The following APBA2 variants were observed in gnomAD, a reference collection of about 807,000 sequenced individuals.
APBA2 encodes amyloid-beta A4 precursor protein-binding family A member 2.
In APBA2, 30 loss-of-function variants were observed where a neutral mutation model predicts 75.0. The ratio of observed to expected loss-of-function variants is 0.40; its 90% confidence interval spans 0.30 to 0.54. The LOEUF (loss-of-function observed/expected upper bound fraction) is 0.54, where lower values mean the gene tolerates loss of function less well. Among genes scored for constraint, APBA2 ranks in the 20% least tolerant of loss-of-function variants. The pLI, the probability that APBA2 is intolerant of heterozygous loss-of-function variation, is 0.49. For synonymous variants in APBA2, 444 were observed against 409.6 expected, an observed-to-expected ratio of 1.08 and a Z score of -1.01; for missense variants, 801 against 1,016.1, an observed-to-expected ratio of 0.79 and a Z score of 2.88.
At chr15:28,938,536 T>G (rs932658166) in intron 2 of APBA2, among the ~76,000 whole-genome samples, 3 of 152,092 alleles carry the variant, frequency 2.0e-5, no homozygotes, top group African/African-American at 2.4e-5. Context: ...CGTGACAGAG[T>G]TTTGCTCTGT....
chr15:29,111,637 C>A (rs1256812992), intron 13 of APBA2, among the ~76,000 whole-genome samples: 3 of 152,138 alleles, frequency 2.0e-5, no homozygotes, highest in African/African-American at 7.2e-5. Context: ...ACCCTCTGCA[C>A]CTGCTCCATG....
intron 3 of APBA2, among the ~76,000 whole-genome samples, chr15:29,011,972 C>T (rs1271583022): frequency 6.6e-6 from 1 of 152,064 alleles, no homozygotes; most frequent in Non-Finnish European, 1.5e-5. Flanking sequence ...TATAAACTTT[C>T]TTTTTTAACT....
At chr15:29,110,530 C>T (rs116092639) in intron 13 of APBA2, among the ~76,000 whole-genome samples, 98 of 152,312 alleles carry the variant, frequency 6.4e-4, no homozygotes, top group African/African-American at 2.4e-3. Flanking sequence ...CTGGGGGCTA[C>T]CTACTCGTAG....
rs146460981 is a variant in APBA2 at position 29,071,591 on chromosome 15, T to G, written c.952-3330T>G. Among the ~76,000 whole-genome samples the G allele has an allele frequency of 7.8e-3, 1,144 of 146,248 alleles. 23 individuals carry two copies. Among genetic ancestry groups the G allele is most frequent in the African/African-American group, 0.028 (1,083 of 39,070 alleles). On this transcript the variant is annotated intron_variant, in intron 4 of 14. Transcript: ENST00000683413. Reference sequence around the variant, plus strand: ...AGGGCATAACAGGATTTAAATAGTATCTTTATCTAGGATGCCTGGAGCCCC... The same window carrying G: ...AGGGCATAACAGGATTTAAATAGTAGCTTTATCTAGGATGCCTGGAGCCCC...
chr15:29,031,799 G>A (rs1322249800), intron 3 of APBA2, among the ~76,000 whole-genome samples: 5 of 152,196 alleles, frequency 3.3e-5, no homozygotes, highest in Admixed American at 2.6e-4. Context: ...TAGCTACAGA[G>A]CGCTGATGCA....
rs151054807 is a variant in APBA2, at chr15:29,087,208, G to A, written c.1070-5867G>A. On this transcript the variant is annotated intron_variant, in intron 6 of 14. Transcript: ENST00000683413. ...CCAGGTTTTTGCTATTACAAATAGT[G>A]CTGCTGCAGTGAACCGCCTATGCAT... 2.0e-3 allele frequency among the ~76,000 whole-genome samples: 299 copies of A among 152,246 alleles called. 1 individual carries two copies. Among genetic ancestry groups the A allele is most frequent in the African/African-American group, 6.2e-3 (258 of 41,538 alleles).
chr15:28,911,488 C>T (rs564673874), intron 1 of APBA2, among the ~76,000 whole-genome samples: 5 of 152,312 alleles, frequency 3.3e-5, no homozygotes, highest in Admixed American at 3.3e-4. Context: ...TCAGACCCAC[C>T]GCTGCTCTTC....
intron 3 of APBA2, among the ~76,000 whole-genome samples, chr15:29,023,217 C>G (rs1208249935): frequency 6.6e-6 from 1 of 152,140 alleles, no homozygotes; most frequent in Non-Finnish European, 1.5e-5. Flanking sequence ...GGTAGGGTAA[C>G]CAGCCCCAGA....
intron 7 of APBA2, 89 bp downstream of exon 7, chr15:29,093,309 C>G: frequency 6.5e-7 from 1 of 1,533,130 alleles, no homozygotes; most frequent in Non-Finnish European, 8.8e-7. Flanking sequence ...AGGCCCTCTT[C>G]CAGCTCGGAC....
intron 3 of APBA2, among the ~76,000 whole-genome samples, chr15:28,997,191 C>T (rs535565917): frequency 2.0e-5 from 3 of 152,292 alleles, no homozygotes; most frequent in East Asian, 1.9e-4. Context: ...ATGAATTACA[C>T]GGTGGCTCTC....
chr15:29,023,905 ATTT>A (rs200312116), intron 3 of APBA2, among the ~76,000 whole-genome samples: 101 of 133,990 alleles, frequency 7.5e-4, no homozygotes, highest in African/African-American at 1.7e-3. Context: ...CTTTTTGTCG[ATTT>A]TTTTTTTTTT....
intron 8 of APBA2, among the ~76,000 whole-genome samples, chr15:29,095,226 G>A (rs1288888679): frequency 2.0e-5 from 3 of 152,258 alleles, no homozygotes; most frequent in Admixed American, 2.0e-4. Context: ...TCGGGAGTTC[G>A]AGATTAGCCT....
chr15:29,024,904 C>A (rs1233546995), intron 3 of APBA2, among the ~76,000 whole-genome samples: 1 of 152,096 alleles, frequency 6.6e-6, no homozygotes, highest in Non-Finnish European at 1.5e-5. Flanking sequence ...TGAGGTATAG[C>A]CTTGGGGCTT....
chr15:28,959,235 C>T (rs932202628), intron 2 of APBA2, among the ~76,000 whole-genome samples: 1 of 152,198 alleles, frequency 6.6e-6, no homozygotes, highest in Non-Finnish European at 1.5e-5. Context: ...GATCCACCTG[C>T]CTCGGCCTCC....
intron 2 of APBA2, among the ~76,000 whole-genome samples, chr15:28,993,051 G>C (rs1265022940): frequency 6.6e-6 from 1 of 152,198 alleles, no homozygotes; most frequent in East Asian, 1.9e-4. Flanking sequence ...GGAGTGATGT[G>C]CTTGGCAGAT....
intron 2 of APBA2, among the ~76,000 whole-genome samples, chr15:28,989,325 T>C (rs1185266143): frequency 6.6e-6 from 1 of 152,232 alleles, no homozygotes; most frequent in African/African-American, 2.4e-5. Flanking sequence ...TATGCCTCAG[T>C]GTCCTCATCT....
intron 1 of APBA2, among the ~76,000 whole-genome samples, chr15:28,895,264 C>T (rs2032402830): frequency 6.6e-6 from 1 of 152,218 alleles, no homozygotes; most frequent in Admixed American, 6.5e-5. Context: ...CTCCCTGCTG[C>T]TGGCCTCCGG....
chr15:29,105,952 G>C (rs890889761), intron 11 of APBA2, among the ~76,000 whole-genome samples: 1 of 152,234 alleles, frequency 6.6e-6, no homozygotes, highest in Non-Finnish European at 1.5e-5. Flanking sequence ...CTTCCCCCAG[G>C]GGACTTTGGA....
intron 3 of APBA2, among the ~76,000 whole-genome samples, chr15:29,006,156 A>T (rs762046292): frequency 6.6e-6 from 1 of 152,238 alleles, no homozygotes; most frequent in Non-Finnish European, 1.5e-5. Flanking sequence ...CTCTCTTTTC[A>T]CATGTCATGG....
Sources: gnomAD v4.1 joint callset for allele counts (sites outside exome capture counted in the v4.1 genomes callset) on GRCh38, gnomAD v4.1.1 for gene constraint, MANE v1.5 for transcripts, NCBI Gene and HGNC (gene_info 2026-07-23, HGNC 2026-07-21) for gene names.